The following TOX variants were observed in gnomAD, a reference collection of about 807,000 sequenced individuals.
TOX encodes thymocyte selection-associated high mobility group box protein TOX.
A neutral mutation model predicts 53.7 loss-of-function variants in TOX; 11 were observed. That is an observed-to-expected ratio of 0.20 (90% CI 0.13 to 0.34). The LOEUF is 0.34. Among genes scored for constraint, TOX ranks in the 10% least tolerant of loss-of-function variants. The pLI is 1.00. For synonymous variants in TOX, 225 were observed against 245.3 expected (o/e 0.92, Z 0.77); for missense variants, 570 against 664.6 (o/e 0.86, Z 1.56).
intron 6 of TOX, among the ~76,000 whole-genome samples, chr8:58,822,146 T>A (rs1412341362): frequency 6.6e-6 from 1 of 152,276 alleles, no homozygotes; most frequent in East Asian, 1.9e-4. Flanking sequence ...CAATGTCCCC[T>A]GTTCAGATTA....
intron 8 of TOX, 54 bp from the exon 9 acceptor site, chr8:58,807,837 G>A (rs967111990): frequency 6.5e-5 from 105 of 1,604,052 alleles, no homozygotes; most frequent in Non-Finnish European, 8.6e-5. Flanking sequence ...TGTGCTACAG[G>A]TGACAATGGG....
intron 3 of TOX, among the ~76,000 whole-genome samples, chr8:58,864,613 A>G (rs1811065517): frequency 6.6e-6 from 1 of 152,216 alleles, no homozygotes; most frequent in African/African-American, 2.4e-5. Flanking sequence ...CACATAAATT[A>G]TGCTTTCACA....
intron 5 of TOX, among the ~76,000 whole-genome samples, chr8:58,834,433 T>A (rs1279608846): frequency 6.6e-6 from 1 of 152,178 alleles, no homozygotes; most frequent in African/African-American, 2.4e-5. Flanking sequence ...AACGTTCTTT[T>A]AAAAATACAT....
intron 3 of TOX, among the ~76,000 whole-genome samples, chr8:58,868,435 G>A (rs1055813982): frequency 1.3e-5 from 2 of 152,046 alleles, no homozygotes; most frequent in African/African-American, 4.8e-5. Flanking sequence ...TTCAAGTCCT[G>A]GGCTATTATT....
rs770992415 is a variant in TOX, at chr8:59,117,132, G to A, written c.102+1754C>T. Among the ~76,000 whole-genome samples the A allele has an allele frequency of 6.6e-6, 1 of 152,170 alleles. No homozygotes were observed. Among genetic ancestry groups the A allele is most frequent in the Non-Finnish European group, 1.5e-5 (1 of 68,034 alleles). On this transcript the variant is annotated intron_variant, in intron 1 of 8. Transcript: ENST00000361421. The surrounding 1 kb of genome is among the most constrained non-coding windows in gnomAD (Gnocchi z 4.6). The stretch of plus-strand genomic sequence containing the variant: ...AGTCTCATTGCCAAAATAGTTCTGA[G>A]CTTTTGGTTCCGGTAACTACAGTGG...
chr8:59,089,442 C>G (rs1334341127), intron 1 of TOX, among the ~76,000 whole-genome samples: 1 of 152,184 alleles, frequency 6.6e-6, no homozygotes, highest in East Asian at 1.9e-4. Flanking sequence ...TCCTGCAAGT[C>G]CCTCATACAG....
chr8:58,878,605 T>C (rs1400265648), intron 3 of TOX, among the ~76,000 whole-genome samples: 1 of 152,226 alleles, frequency 6.6e-6, no homozygotes, highest in Non-Finnish European at 1.5e-5. Flanking sequence ...TCAGCTTCAT[T>C]TGTCTTTGAT....
chr8:58,898,283 C>G (rs1177724438), intron 3 of TOX, among the ~76,000 whole-genome samples: 1 of 144,862 alleles, frequency 6.9e-6, no homozygotes, highest in East Asian at 2.0e-4. Context: ...TCAATTTACA[C>G]CTTCGCAAAA....
At chr8:58,950,160 T>C (rs1407452922) in intron 2 of TOX, among the ~76,000 whole-genome samples, 1 of 125,864 alleles carries the variant, frequency 7.9e-6, no homozygotes, top group South Asian at 2.9e-4. Context: ...TACATGTGTA[T>C]AGTTCATATA....
At chr8:58,972,555 C>T (rs145635670) in intron 1 of TOX, among the ~76,000 whole-genome samples, 254 of 152,208 alleles carry the variant, frequency 1.7e-3, no homozygotes, top group Admixed American at 8.1e-3. Flanking sequence ...GTATCCATAG[C>T]TTATTAGTTT....
intron 1 of TOX, among the ~76,000 whole-genome samples, chr8:58,963,881 T>C (rs1352242372): frequency 1.3e-5 from 2 of 152,230 alleles, no homozygotes; most frequent in African/African-American, 4.8e-5. Flanking sequence ...TCTTCGGAAA[T>C]GTTTATTGCC....
chr8:59,090,274 C>T (rs1804587357), intron 1 of TOX, among the ~76,000 whole-genome samples: 1 of 152,106 alleles, frequency 6.6e-6, no homozygotes, highest in South Asian at 2.1e-4. Flanking sequence ...GTGGAAAATG[C>T]TGCTGTAGGT....
intron 3 of TOX, among the ~76,000 whole-genome samples, chr8:58,930,682 C>A (rs971880935): frequency 2.6e-5 from 4 of 152,164 alleles, no homozygotes; most frequent in African/African-American, 9.7e-5. Flanking sequence ...CAACCATACC[C>A]CTACACATGC....
At chr8:59,091,536 T>A (rs956897467) in intron 1 of TOX, among the ~76,000 whole-genome samples, 3 of 152,182 alleles carry the variant, frequency 2.0e-5, no homozygotes, top group Admixed American at 1.3e-4. Context: ...GTTGTTAGTC[T>A]TAGCTCACTT....
At chr8:58,925,321 A>G (rs888187143) in intron 3 of TOX, among the ~76,000 whole-genome samples, 2 of 152,238 alleles carry the variant, frequency 1.3e-5, no homozygotes, top group Admixed American at 6.5e-5. Flanking sequence ...AGAAATTACA[A>G]TAGTACATTC....
At position 59,106,888 on chromosome 8, in the gene TOX, G is replaced by C. The variant is rs192967310; in HGVS notation, c.102+11998C>G. ...AATTTTAGGGCCTTTCATTAAAAAT[G>C]AAAATGTGTCAAAAAGATTTTGTAT... On this transcript the variant is annotated intron_variant, in intron 1 of 8. Transcript: ENST00000361421. 1.2e-3 allele frequency among the ~76,000 whole-genome samples: 181 copies of C among 152,186 alleles called. 1 individual carries two copies. Among genetic ancestry groups the C allele is most frequent in the African/African-American group, 4.1e-3 (170 of 41,528 alleles).
At chr8:58,825,071 T>A (rs1432025165) in intron 6 of TOX, among the ~76,000 whole-genome samples, 1 of 152,200 alleles carries the variant, frequency 6.6e-6, no homozygotes, top group Non-Finnish European at 1.5e-5. Context: ...CTAATTAAAA[T>A]GGAAAAGAAT....
chr8:59,073,037 G>A (rs1804226738), intron 1 of TOX, among the ~76,000 whole-genome samples: 1 of 152,026 alleles, frequency 6.6e-6, no homozygotes, highest in South Asian at 2.1e-4. Flanking sequence ...CATTTTTGCT[G>A]TCTCCTGAAT....
chr8:59,022,556 G>T (rs1347564230), intron 1 of TOX, among the ~76,000 whole-genome samples: 1 of 152,086 alleles, frequency 6.6e-6, no homozygotes, highest in Non-Finnish European at 1.5e-5. Flanking sequence ...ACCTCACACT[G>T]CCTCGATACA....
Sources: gnomAD v4.1 joint callset for allele counts (sites outside exome capture counted in the v4.1 genomes callset) on GRCh38, gnomAD v4.1.1 for gene constraint, Gnocchi (gnomAD v3.1) non-coding constraint, MANE v1.5 for transcripts, NCBI Gene and HGNC (gene_info 2026-07-23, HGNC 2026-07-21) for gene names.